The following NRXN3 variants were observed in gnomAD, a reference collection of about 807,000 sequenced individuals.
NRXN3 encodes neurexin III.
NRXN3 carries 32 observed loss-of-function variants against 137.6 expected under a neutral mutation model. That is an observed-to-expected ratio of 0.23 (90% confidence interval 0.18 to 0.31). The LOEUF (loss-of-function observed/expected upper bound fraction) is 0.31, where lower values mean the gene tolerates loss of function less well. Ranked by LOEUF, NRXN3 falls within the 10% of genes least tolerant of loss-of-function variation. The pLI is 1.00. For synonymous variants in NRXN3, 798 were observed against 784.5 expected, an observed-to-expected ratio of 1.02 and a Z score of -0.29; for missense variants, 1,574 against 2,062.5, an observed-to-expected ratio of 0.76 and a Z score of 4.59.
intron 11 of NRXN3, 91 bp from the exon 12 acceptor site, chr14:78,965,934 G>A (rs2099416585): frequency 2.2e-6 from 3 of 1,391,692 alleles, no homozygotes; most frequent in South Asian, 1.4e-5. Flanking sequence ...TATTCTGTGT[G>A]GAAACAGGTT....
intron 8 of NRXN3, among the ~76,000 whole-genome samples, chr14:78,794,220 A>G (rs993951080): frequency 6.6e-6 from 1 of 152,084 alleles, no homozygotes; most frequent in East Asian, 1.9e-4. Flanking sequence ...CGTCTCTACT[A>G]AAAATACAAA....
At chr14:78,216,205 TC>T (rs1399146010) in intron 1 of NRXN3, among the ~76,000 whole-genome samples, 3 of 152,286 alleles carry the variant, frequency 2.0e-5, no homozygotes, top group African/African-American at 7.2e-5. Flanking sequence ...TTTTTTTTCT[TC>T]CTAAAGGTAT....
At chr14:79,277,526 T>C (rs549227045) in intron 15 of NRXN3, among the ~76,000 whole-genome samples, 106 of 152,344 alleles carry the variant, frequency 7.0e-4, no homozygotes, top group Non-Finnish European at 1.3e-3. Context: ...TTTTAGAGCT[T>C]CAGCTTATTT....
At chr14:78,781,400 A>C (rs1424294358) in intron 8 of NRXN3, among the ~76,000 whole-genome samples, 1 of 152,192 alleles carries the variant, frequency 6.6e-6, no homozygotes, top group Non-Finnish European at 1.5e-5. Flanking sequence ...ATTAATAAAA[A>C]CCAGGTTACA....
chr14:79,084,828 T>C (rs918806651), intron 15 of NRXN3, among the ~76,000 whole-genome samples: 1 of 152,164 alleles, frequency 6.6e-6, no homozygotes, highest in Non-Finnish European at 1.5e-5. Context: ...TGCTTACTGT[T>C]CTGGTTTAAA....
At chr14:79,830,823 G>A (rs554776622) in intron 20 of NRXN3, among the ~76,000 whole-genome samples, 8 of 151,924 alleles carry the variant, frequency 5.3e-5, no homozygotes, top group South Asian at 2.1e-4. Context: ...AGACTTGTTC[G>A]GTAAACTATT....
chr14:79,648,209 C>A (rs221461), intron 16 of NRXN3, among the ~76,000 whole-genome samples: 49,546 of 128,450 alleles, frequency 0.39, 14,721 homozygotes, highest in Middle Eastern at 0.63. Flanking sequence ...AACAAACAAA[C>A]AAAAAACAGA....
rs560104134 is a variant in NRXN3 at position 78,664,527 on chromosome 14, T to C, written c.1221+13201T>C. ...AAAAAGTTCTTGGGAGAATGGTACA[T>C]ATTTCTGATGTCCCCTACTTCATGG... On this transcript the variant is annotated intron_variant, in intron 6 of 20. Coordinates refer to ENST00000335750, the MANE Select transcript of NRXN3 (RefSeq NM_001330195.2). Among the ~76,000 whole-genome samples the C allele has an allele frequency of 8.7e-4, 132 of 152,346 alleles. 3 individuals carry two copies. The South Asian group carries it at 0.026, about 30-fold the overall frequency.
At chr14:78,993,742 A>G (rs747771713) in intron 15 of NRXN3, among the ~76,000 whole-genome samples, 8 of 151,848 alleles carry the variant, frequency 5.3e-5, no homozygotes, top group Non-Finnish European at 1.2e-4. Flanking sequence ...GCGAGGAGTC[A>G]TAAGGTGGAG....
chr14:79,133,048 G>A (rs1018939304), intron 15 of NRXN3, among the ~76,000 whole-genome samples: 2 of 152,200 alleles, frequency 1.3e-5, no homozygotes, highest in African/African-American at 4.8e-5. Context: ...GCAGCTGAAG[G>A]CTGTCTATGG....
At chr14:79,298,673 C>T (rs1242828140) in intron 15 of NRXN3, 1 of 151,936 alleles carries the variant, frequency 6.6e-6, no homozygotes, top group Non-Finnish European at 1.5e-5. Flanking sequence ...GGGGTTGTAA[C>T]AAGCAGGTAA....
intron 4 of NRXN3, among the ~76,000 whole-genome samples, chr14:78,490,373 A>G (rs994774720): frequency 1.3e-5 from 2 of 152,178 alleles, no homozygotes; most frequent in African/African-American, 4.8e-5. Context: ...CTTACTTCAC[A>G]GGTTGGCTTT....
chr14:78,931,237 A>T (rs753190731), intron 10 of NRXN3, among the ~76,000 whole-genome samples: 2 of 152,138 alleles, frequency 1.3e-5, no homozygotes, highest in Admixed American at 1.3e-4. Context: ...TTATTCAAAC[A>T]TGTCAAGACC....
chr14:79,843,737 T>TTA (rs2099361131), intron 20 of NRXN3, among the ~76,000 whole-genome samples: 1 of 152,350 alleles, frequency 6.6e-6, no homozygotes, highest in African/African-American at 2.4e-5. Context: ...AAGCAACTCC[T>TTA]TAACCATTAA....
chr14:78,821,746 G>T (rs544102929), intron 10 of NRXN3, among the ~76,000 whole-genome samples: 1 of 152,156 alleles, frequency 6.6e-6, no homozygotes, highest in South Asian at 2.1e-4. Flanking sequence ...GCTAGAGAAG[G>T]ATTACCATTT....
At chr14:78,543,258 A>G (rs922992442) in intron 4 of NRXN3, among the ~76,000 whole-genome samples, 2 of 152,206 alleles carry the variant, frequency 1.3e-5, no homozygotes, top group East Asian at 1.9e-4. Flanking sequence ...ATCTGAGATC[A>G]TAAATGAAGT....
chr14:79,494,857 T>C (rs142762090), intron 16 of NRXN3, among the ~76,000 whole-genome samples: 1 of 152,336 alleles, frequency 6.6e-6, no homozygotes, highest in African/African-American at 2.4e-5. Flanking sequence ...TACTGTCCTT[T>C]GTATGTGTCA....
intron 15 of NRXN3, among the ~76,000 whole-genome samples, chr14:79,078,607 T>C (rs775243154): frequency 8.5e-5 from 13 of 152,210 alleles, no homozygotes; most frequent in Non-Finnish European, 1.8e-4. Flanking sequence ...AGTTATTCAA[T>C]TTATTGACTA....
chr14:78,623,436 A>G (rs543681441), intron 4 of NRXN3, among the ~76,000 whole-genome samples: 33 of 152,322 alleles, frequency 2.2e-4, no homozygotes, highest in African/African-American at 7.9e-4. Flanking sequence ...TTTAGCTTCC[A>G]TCACTCCCTT....
Sources: gnomAD v4.1 joint callset for allele counts (sites outside exome capture counted in the v4.1 genomes callset) on GRCh38, gnomAD v4.1.1 for gene constraint, MANE v1.5 for transcripts, NCBI Gene and HGNC (gene_info 2026-07-23, HGNC 2026-07-21) for gene names.